The following TBC1D9 variants were observed in gnomAD, a reference collection of about 807,000 sequenced individuals.
TBC1D9 encodes TBC1 domain family member 9, also known as TBC1 domain family member 9A.
A neutral mutation model predicts 132.0 loss-of-function variants in TBC1D9; 63 were observed. The observed-to-expected ratio is 0.48, with a 90% CI of 0.39 to 0.59. The LOEUF (loss-of-function observed/expected upper bound fraction) is 0.59. Among genes scored for constraint, TBC1D9 ranks in the 20% least tolerant of loss-of-function variants. The probability of loss-of-function intolerance (pLI) is 0.00; values close to 1 mark genes in which losing one functional copy is unlikely to be tolerated. For synonymous variants in TBC1D9, 610 were observed against 609.9 expected (o/e 1.00, Z 0.00); for missense variants, 1,261 against 1,592.7 (o/e 0.79, Z 3.54).
intron 1 of TBC1D9, among the ~76,000 whole-genome samples, chr4:140,722,266 A>C (rs1439356898): frequency 6.6e-6 from 1 of 151,948 alleles, no homozygotes; most frequent in Admixed American, 6.5e-5. Context: ...CATTAATGAA[A>C]GAGGGGGAAA....
chr4:140,730,211 C>G (rs1738565327), intron 1 of TBC1D9, among the ~76,000 whole-genome samples: 1 of 152,200 alleles, frequency 6.6e-6, no homozygotes, highest in South Asian at 2.1e-4. Flanking sequence ...ATGGGACCAT[C>G]ATGAGTAGCT....
At chr4:140,729,376 G>T (rs1469110424) in intron 1 of TBC1D9, among the ~76,000 whole-genome samples, 1 of 152,132 alleles carries the variant, frequency 6.6e-6, no homozygotes, top group African/African-American at 2.4e-5. Context: ...ATGAAAATGA[G>T]ATTGCACTCA....
rs1057460193 is a variant in TBC1D9, at chr4:140,744,737, G to A, written c.130+11179C>T. Among the ~76,000 whole-genome samples, 8 of 151,976 alleles carry A rather than the reference G, an allele frequency of 5.3e-5. No homozygotes were observed. In the East Asian group the frequency reaches 7.7e-4, roughly 15 times the overall value. On this transcript the variant is annotated intron_variant, in intron 1 of 20. Transcript: ENST00000442267. ...CGTCCCTACTAAAAATACAAAATTAGCTGGGTGTGGTGGCACACACCTGTA... is the reference window on the plus strand; with the variant it reads ...CGTCCCTACTAAAAATACAAAATTAACTGGGTGTGGTGGCACACACCTGTA...
At position 140,659,640 on chromosome 4, in the gene TBC1D9, A is replaced by G; in HGVS notation, c.1869T>C (p.Leu623=). Residue 623 remains leucine, a synonymous_variant, in exon 11 of 21, where the codon CTT becomes CTC. Transcript: ENST00000442267. ...GGAGCATGCGCTCACACAAAGCCAC[A>G]AGCAGCCAGAAAGCTTCCTCCTCTT... ...YAKEEEAFWL[L]VALCERMLPD... is the part of the protein sequence containing the mutation. The G allele has an allele frequency of 6.2e-7, 1 of 1,607,768 alleles. No homozygotes were observed.
chr4:140,700,974 C>A (rs1545972), intron 2 of TBC1D9: 66,801 of 152,976 alleles, frequency 0.44, 16,748 homozygotes, highest in African/African-American at 0.69. Context: ...ATTTTAAGCA[C>A]AGCACAGCAT....
intron 5 of TBC1D9, 21 bp downstream of exon 5, chr4:140,678,921 T>C: frequency 6.2e-7 from 1 of 1,610,354 alleles, no homozygotes. Context: ...GTCTGGAAGA[T>C]ACAAGGTCTC....
In TBC1D9 at chr4:140,707,300, T is replaced by C. The variant is rs986803603; in HGVS notation, c.131-5686A>G. ...TGGTGACATTTGCTAAGAGGTCCCA[T>C]TAGACATTCAGAGTTCACCATCTAG... On this transcript the variant is annotated intron_variant, in intron 1 of 20. Coordinates refer to ENST00000442267, the MANE Select transcript of TBC1D9 (RefSeq NM_015130.3). Among the ~76,000 whole-genome samples the C allele has an allele frequency of 3.3e-5, 5 of 152,252 alleles. No homozygotes were observed. In the South Asian group the frequency reaches 1.0e-3, roughly 31 times the overall value.
intron 1 of TBC1D9, among the ~76,000 whole-genome samples, chr4:140,728,668 T>C (rs1412184155): frequency 6.6e-6 from 1 of 151,902 alleles, no homozygotes; most frequent in East Asian, 1.9e-4. Context: ...CGCTCGGCTT[T>C]TTTTGTTTTT....
rs192899823 is a variant in TBC1D9 at position 140,719,161 on chromosome 4, A to C, written c.131-17547T>G. On this transcript the variant is annotated intron_variant, in intron 1 of 20. Transcript: ENST00000442267. ...AAATAAATAAATAAATAAATAAATA[A>C]AAGAAAGTGGATTCAAGTCTTCATT... 4.8e-4 allele frequency among the ~76,000 whole-genome samples: 70 copies of C among 145,348 alleles called. No homozygotes were observed. In the East Asian group the frequency reaches 0.013, roughly 27 times the overall value.
chr4:140,646,498 A>G (rs1406709021), intron 13 of TBC1D9, among the ~76,000 whole-genome samples: 1 of 152,190 alleles, frequency 6.6e-6, no homozygotes, highest in African/African-American at 2.4e-5. Flanking sequence ...CCCAATCAAT[A>G]TTAATTAATC....
At chr4:140,701,269 A>C (rs189381837) in intron 2 of TBC1D9, among the ~76,000 whole-genome samples, 2 of 152,266 alleles carry the variant, frequency 1.3e-5, no homozygotes, top group Non-Finnish European at 2.9e-5. Flanking sequence ...AGAGAGTGTC[A>C]CTACACATGG....
At chr4:140,677,574 T>C (rs1737645354) in intron 5 of TBC1D9, among the ~76,000 whole-genome samples, 3 of 152,212 alleles carry the variant, frequency 2.0e-5, no homozygotes, top group Admixed American at 6.5e-5. Flanking sequence ...CAACTCACCT[T>C]GGGCAACTAT....
Position 140,732,154 on chromosome 4 carries a change from T to C in TBC1D9, c.130+23762A>G, listed in dbSNP as rs1272388228. 4.6e-5 allele frequency among the ~76,000 whole-genome samples: 7 copies of C among 152,178 alleles called. 1 individual carries two copies. The highest frequency in any genetic ancestry group is 8.8e-5 in the Non-Finnish European group (6 of 68,036). Reference sequence around the variant, plus strand: ...CCCTAGAAGTAGTACCAGTTGAAAATGCAAATTCAAAGGAGTATTGATAAA... The same window carrying C: ...CCCTAGAAGTAGTACCAGTTGAAAACGCAAATTCAAAGGAGTATTGATAAA... On this transcript the variant is annotated intron_variant, in intron 1 of 20. Coordinates refer to ENST00000442267, the MANE Select transcript of TBC1D9 (RefSeq NM_015130.3).
At chr4:140,623,113 C>T (rs946062457) in intron 20 of TBC1D9, among the ~76,000 whole-genome samples, 196 bp from the exon 21 acceptor site, 5 of 152,156 alleles carry the variant, frequency 3.3e-5, no homozygotes, top group African/African-American at 1.2e-4. Context: ...GAGACAGGGT[C>T]TCTCTTTGTC....
chr4:140,669,749 G>A lies in TBC1D9; in HGVS notation c.1322C>T (p.Ser441Phe), dbSNP rs778616440. ...AAACTGGCGCTCTCCATCAGCATCA[G>A]AGCTCGTGCTTCTCTGGGGGCTGGA... The part of the protein sequence containing the change: ...VSSSPQRSTS[S>F]DADGERQFNL... The change falls in exon 8 of 21, where the codon TCT becomes TTT. Residue 441 changes from serine (S) to phenylalanine (F), a missense_variant. This residue lies in a region of TBC1D9 where 550 missense variants were observed against 699.0 expected (regional missense o/e 0.79). Coordinates refer to ENST00000442267, the MANE Select transcript of TBC1D9 (RefSeq NM_015130.3). 3 of 1,613,998 alleles carry A rather than the reference G, an allele frequency of 1.9e-6. No homozygotes were observed. Among genetic ancestry groups the A allele is most frequent in the Non-Finnish European group, 2.5e-6 (3 of 1,179,892 alleles).
intron 1 of TBC1D9, among the ~76,000 whole-genome samples, chr4:140,739,619 C>T (rs1399121935): frequency 1.3e-5 from 2 of 152,106 alleles, no homozygotes; most frequent in African/African-American, 2.4e-5. Flanking sequence ...AATTTTAGCT[C>T]TTCTGTCTAT....
At chr4:140,685,954 T>C (rs1220060090) in intron 3 of TBC1D9, among the ~76,000 whole-genome samples, 1 of 152,176 alleles carries the variant, frequency 6.6e-6, no homozygotes, top group African/African-American at 2.4e-5. Context: ...CAATATATTG[T>C]CTATTTCAAA....
At chr4:140,660,226 A>G (rs1203734708) in intron 10 of TBC1D9, among the ~76,000 whole-genome samples, 1 of 152,240 alleles carries the variant, frequency 6.6e-6, no homozygotes, top group Admixed American at 6.5e-5. Context: ...GAGAGATGGT[A>G]GTGATAACTG....
intron 1 of TBC1D9, among the ~76,000 whole-genome samples, chr4:140,717,517 A>G (rs1738353793): frequency 1.3e-5 from 2 of 152,178 alleles, no homozygotes; most frequent in African/African-American, 4.8e-5. Context: ...TATTTCATTT[A>G]TGACTATCAA....
Sources: allele counts gnomAD v4.1 joint callset (sites outside exome capture counted in the v4.1 genomes callset), GRCh38; gene constraint gnomAD v4.1.1; regional missense constraint gnomAD v4.1.1; transcripts MANE v1.5; gene names NCBI Gene and HGNC (gene_info 2026-07-23, HGNC 2026-07-21).